VPS50: variants seen among roughly 807,000 people sequenced by gnomAD.
The protein encoded by VPS50 is VPS50 subunit of EARP/GARPII complex, also known as syndetin.
Under a neutral mutation model 139.7 loss-of-function variants are expected in VPS50, and 70 were observed. That is an observed-to-expected ratio of 0.50 (90% confidence interval 0.41 to 0.61). The LOEUF (loss-of-function observed/expected upper bound fraction) is 0.61. VPS50 is among the 20% of genes least tolerant of loss of function. The pLI is 0.00. For synonymous variants in VPS50, 365 were observed against 376.7 expected, an observed-to-expected ratio of 0.97 and a Z score of 0.36; for missense variants, 921 against 1,133.7, an observed-to-expected ratio of 0.81 and a Z score of 2.69.
chr7:93,285,348 C>G (rs1796452794), intron 12 of VPS50, among the ~76,000 whole-genome samples: 1 of 152,074 alleles, frequency 6.6e-6, no homozygotes, highest in African/African-American at 2.4e-5. Flanking sequence ...TAAGACTTTT[C>G]ATTTTGATGC....
chr7:93,244,541 G>A (rs888166987), intron 2 of VPS50, among the ~76,000 whole-genome samples: 1 of 151,792 alleles, frequency 6.6e-6, no homozygotes, highest in Non-Finnish European at 1.5e-5. Flanking sequence ...GACTTTTTTG[G>A]AATCCTTTTT....
At chr7:93,357,813 G>C (rs1363569923) in intron 27 of VPS50, among the ~76,000 whole-genome samples, 1 of 152,014 alleles carries the variant, frequency 6.6e-6, no homozygotes, top group East Asian at 1.9e-4. Context: ...TTTATTTGCA[G>C]CTCCCTGACT....
intron 9 of VPS50, among the ~76,000 whole-genome samples, chr7:93,263,547 C>T (rs1329746697): frequency 6.6e-6 from 1 of 152,138 alleles, no homozygotes. Flanking sequence ...TTCCTAGTCA[C>T]ATCACTCCTT....
Position 93,256,557 on chromosome 7 carries a change from G to T in VPS50, c.346G>T (p.Val116Leu). 1 of 1,451,488 alleles carries T rather than the reference G, an allele frequency of 6.9e-7. No homozygotes were observed. The highest frequency in any genetic ancestry group is 9.3e-7 in the Non-Finnish European group (1 of 1,076,336). The allele number at this position is 1,451,488 out of a possible 1,614,324, so 89.9% of individuals were successfully genotyped here. Residue 116 changes from valine to leucine, a missense_variant, in exon 5 of 28, where the codon GTA (valine) becomes TTA (leucine). This residue lies in a region of VPS50 where 744 missense variants were observed against 930.6 expected (regional missense o/e 0.80). Transcript: ENST00000305866. The part of the protein sequence containing the change: ...DLILEKQPAY[V>L]KELERVTSLQ... Reference sequence around the variant, plus strand: ...AATCCTTGAAAAACAGCCTGCTTATGTAAAGGTAGGATAATATTTGTTATT... The same window carrying T: ...AATCCTTGAAAAACAGCCTGCTTATTTAAAGGTAGGATAATATTTGTTATT...
At chr7:93,265,403 C>T (rs1429632120) in intron 9 of VPS50, among the ~76,000 whole-genome samples, 1 of 152,140 alleles carries the variant, frequency 6.6e-6, no homozygotes, top group African/African-American at 2.4e-5. Context: ...ACGGTTGTGG[C>T]TATGTTCTAC....
At chr7:93,247,442 G>C (rs993690104) in intron 2 of VPS50, among the ~76,000 whole-genome samples, 1 of 151,778 alleles carries the variant, frequency 6.6e-6, no homozygotes, top group Non-Finnish European at 1.5e-5. Flanking sequence ...GCACTTTCTC[G>C]ATTCAATATT....
intron 21 of VPS50, among the ~76,000 whole-genome samples, chr7:93,328,857 C>T (rs1472628515): frequency 6.6e-6 from 1 of 152,038 alleles, no homozygotes; most frequent in Non-Finnish European, 1.5e-5. Flanking sequence ...ACCTATATCT[C>T]GGACTGTGAG....
chr7:93,325,605 A>G (rs1401066443), intron 21 of VPS50, among the ~76,000 whole-genome samples: 3 of 152,010 alleles, frequency 2.0e-5, no homozygotes, highest in East Asian at 1.9e-4. Flanking sequence ...AGTTTGCAAG[A>G]AAAAAACAAC....
At chr7:93,247,224 CT>C (rs564825885) in intron 2 of VPS50, among the ~76,000 whole-genome samples, 179 of 151,924 alleles carry the variant, frequency 1.2e-3, no homozygotes, top group Non-Finnish European at 1.9e-3. Flanking sequence ...ATATTTTTGC[CT>C]GTTTTTGATA....
At chr7:93,240,995 A>G (rs1017813741) in intron 2 of VPS50, among the ~76,000 whole-genome samples, 1 of 152,182 alleles carries the variant, frequency 6.6e-6, no homozygotes, top group African/African-American at 2.4e-5. Flanking sequence ...TTAAAAATTA[A>G]TGACTATGAA....
At chr7:93,269,423 T>C (rs1795939763) in intron 9 of VPS50, among the ~76,000 whole-genome samples, 1 of 152,074 alleles carries the variant, frequency 6.6e-6, no homozygotes, top group Non-Finnish European at 1.5e-5. Context: ...GGATATAGTT[T>C]TGCTCACTTC....
At chr7:93,242,298 G>A (rs1562845775) in intron 2 of VPS50, among the ~76,000 whole-genome samples, 2 of 151,576 alleles carry the variant, frequency 1.3e-5, no homozygotes, top group African/African-American at 2.4e-5. Flanking sequence ...GGGGTAAGGC[G>A]ATTACAGATT....
intron 12 of VPS50, among the ~76,000 whole-genome samples, chr7:93,284,595 G>GT (rs1323115459): frequency 6.6e-6 from 1 of 152,162 alleles, no homozygotes; most frequent in Non-Finnish European, 1.5e-5. Context: ...GAGAATGAGT[G>GT]TTTTTCTCCC....
intron 1 of VPS50, among the ~76,000 whole-genome samples, chr7:93,234,900 A>G (rs1256801048): frequency 6.6e-6 from 1 of 151,806 alleles, no homozygotes; most frequent in Non-Finnish European, 1.5e-5. Flanking sequence ...CCATTCAACA[A>G]ATGTTTATTG....
chr7:93,256,593 G>A (rs1425471598), intron 5 of VPS50, 31 bp downstream of exon 5: 1 of 1,216,752 alleles, frequency 8.2e-7, no homozygotes, highest in Non-Finnish European at 1.2e-6. Context: ...TTTTGTAGTA[G>A]AATTTTTAAA....
intron 9 of VPS50, among the ~76,000 whole-genome samples, chr7:93,268,144 G>A (rs1465301675): frequency 6.6e-6 from 1 of 152,168 alleles, no homozygotes; most frequent in African/African-American, 2.4e-5. Flanking sequence ...ACAACACTGT[G>A]TCTGCCAAAT....
chr7:93,237,541 A>G (rs997975026), intron 1 of VPS50, among the ~76,000 whole-genome samples: 2 of 152,162 alleles, frequency 1.3e-5, no homozygotes, highest in African/African-American at 4.8e-5. Context: ...TCACGTTTAC[A>G]TTTCAGGCAT....
At chr7:93,297,866 C>G (rs181695960) in intron 16 of VPS50, among the ~76,000 whole-genome samples, 3 of 152,168 alleles carry the variant, frequency 2.0e-5, no homozygotes, top group African/African-American at 7.2e-5. Context: ...TGAGATTTCT[C>G]TTGATATAAG....
intron 12 of VPS50, 81 bp from the exon 13 acceptor site, chr7:93,291,622 T>A: frequency 1.4e-6 from 1 of 725,658 alleles, no homozygotes; most frequent in Non-Finnish European, 2.0e-6. Context: ...TTTTTGAATA[T>A]ATTTGATTAA....
Sources: allele counts gnomAD v4.1 joint callset (sites outside exome capture counted in the v4.1 genomes callset), GRCh38; gene constraint gnomAD v4.1.1; regional missense constraint gnomAD v4.1.1; transcripts MANE v1.5; gene names NCBI Gene and HGNC (gene_info 2026-07-23, HGNC 2026-07-21).